The following TNS3 variants were observed in gnomAD, a reference collection of about 807,000 sequenced individuals.
The protein encoded by TNS3 is tensin 3.
Under a neutral mutation model 140.9 loss-of-function variants are expected in TNS3, and 45 were observed. That is an observed-to-expected ratio of 0.32 (90% CI 0.25 to 0.41). The LOEUF (loss-of-function observed/expected upper bound fraction) is 0.41. Among genes scored for constraint, TNS3 ranks in the 10% least tolerant of loss-of-function variants. TNS3 has a pLI of 1.00. For synonymous variants in TNS3, 815 were observed against 788.4 expected, an observed-to-expected ratio of 1.03 and a Z score of -0.56; for missense variants, 1,716 against 1,906.7, an observed-to-expected ratio of 0.90 and a Z score of 1.86.
chr7:47,526,167 C>T (rs1014058164), intron 2 of TNS3, among the ~76,000 whole-genome samples: 2 of 152,226 alleles, frequency 1.3e-5, no homozygotes, highest in African/African-American at 2.4e-5. Flanking sequence ...GAACAGAATA[C>T]TGAAGTATTA....
chr7:47,297,551 A>G (rs1387048358), intron 23 of TNS3, among the ~76,000 whole-genome samples: 1 of 152,084 alleles, frequency 6.6e-6, no homozygotes, highest in Non-Finnish European at 1.5e-5. Context: ...TTAATCCCAC[A>G]ATACCTGTGA....
In TNS3 at chr7:47,483,047, G is replaced by A. The variant is rs80347783; in HGVS notation, c.-114-1906C>T. On this transcript the variant is annotated intron_variant, in intron 3 of 30. Transcript: ENST00000311160. ...CCACAGAATGTACAACACCAGGAGA[G>A]AATCCTAATGTAAACCGAGGGCTCT... Among the ~76,000 whole-genome samples the A allele has an allele frequency of 8.5e-5, 13 of 152,228 alleles. No homozygotes were observed. The East Asian group carries it at 2.5e-3, about 29-fold the overall frequency.
chr7:47,451,506 A>G (rs1476649882), intron 4 of TNS3, among the ~76,000 whole-genome samples: 1 of 152,148 alleles, frequency 6.6e-6, no homozygotes. Flanking sequence ...GCTCAAACCC[A>G]GGAGGTGGAG....
intron 8 of TNS3, among the ~76,000 whole-genome samples, chr7:47,433,883 A>ATCTCTC (rs55743320): frequency 3.0e-4 from 45 of 149,556 alleles, no homozygotes; most frequent in African/African-American, 9.8e-4. Context: ...CCGTCTGTCT[A>ATCTCTC]TCTCTCTCTC....
intron 16 of TNS3, among the ~76,000 whole-genome samples, chr7:47,372,168 C>T (rs1235870718): frequency 1.3e-5 from 2 of 152,230 alleles, no homozygotes; most frequent in African/African-American, 2.4e-5. Context: ...CTCCTCCCCA[C>T]GATGGAAGGT....
intron 20 of TNS3, among the ~76,000 whole-genome samples, chr7:47,334,365 A>G (rs1788505160): frequency 6.6e-6 from 1 of 152,174 alleles, no homozygotes; most frequent in South Asian, 2.1e-4. Flanking sequence ...AACTAACATT[A>G]ACTGCTAATC....
intron 28 of TNS3, among the ~76,000 whole-genome samples, chr7:47,282,061 C>A (rs1350400809): frequency 1.3e-5 from 2 of 151,978 alleles, no homozygotes; most frequent in Non-Finnish European, 2.9e-5. Context: ...ATATCCCAAA[C>A]CCTAAGTCCA....
chr7:47,433,521 T>G (rs777927712), intron 8 of TNS3, among the ~76,000 whole-genome samples: 1 of 152,210 alleles, frequency 6.6e-6, no homozygotes, highest in Admixed American at 6.5e-5. Flanking sequence ...CTAGGACCCA[T>G]ATGTTTTAAA....
At chr7:47,310,930 T>C (rs1178047463) in intron 20 of TNS3, among the ~76,000 whole-genome samples, 1 of 152,232 alleles carries the variant, frequency 6.6e-6, no homozygotes, top group Non-Finnish European at 1.5e-5. Context: ...TAGTATTCCA[T>C]GGTGTATATG....
At chr7:47,443,467 A>G (rs1325367140) in intron 4 of TNS3, among the ~76,000 whole-genome samples, 2 of 152,092 alleles carry the variant, frequency 1.3e-5, no homozygotes, top group Non-Finnish European at 2.9e-5. Flanking sequence ...CCCTAACCCA[A>G]AGCCTTTCAC....
At chr7:47,468,196 A>G (rs1217850074) in intron 4 of TNS3, among the ~76,000 whole-genome samples, 2 of 152,140 alleles carry the variant, frequency 1.3e-5, no homozygotes, top group African/African-American at 2.4e-5. Context: ...TTGTAATCCC[A>G]GCACTTTAGG....
Position 47,438,109 on chromosome 7 carries a change from G to A in TNS3, c.151-796C>T, listed in dbSNP as rs187455152. ...AAGGAGCCTTAAAAATTAACTAAAC[G>A]TCCCTCTCACTTCAGAGTCAGAGAT... is the stretch of plus-strand genomic sequence containing the variant. On this transcript the variant is annotated intron_variant, in intron 6 of 30. Transcript: ENST00000311160. 2.1e-3 allele frequency among the ~76,000 whole-genome samples: 316 copies of A among 152,126 alleles called. 1 individual carries two copies. Among genetic ancestry groups the A allele is most frequent in the African/African-American group, 6.7e-3 (279 of 41,512 alleles).
chr7:47,524,757 G>A (rs1004904820), intron 2 of TNS3, among the ~76,000 whole-genome samples: 20 of 137,280 alleles, frequency 1.5e-4, no homozygotes, highest in South Asian at 2.4e-4. Context: ...AGCCGAGATC[G>A]CGCCACTGCA....
chr7:47,320,684 C>T (rs533179231), intron 20 of TNS3, among the ~76,000 whole-genome samples: 69 of 152,232 alleles, frequency 4.5e-4, no homozygotes, highest in Non-Finnish European at 8.4e-4. Context: ...AAGGGACCCA[C>T]TTTCACCAGT....
intron 4 of TNS3, among the ~76,000 whole-genome samples, chr7:47,449,307 G>T (rs1231753292): frequency 6.6e-6 from 1 of 152,198 alleles, no homozygotes; most frequent in African/African-American, 2.4e-5. Flanking sequence ...ATTGCCATGG[G>T]GTGAAAGGCA....
At chr7:47,374,024 A>T (rs1460177226) in intron 16 of TNS3, among the ~76,000 whole-genome samples, 1 of 152,210 alleles carries the variant, frequency 6.6e-6, no homozygotes, top group African/African-American at 2.4e-5. Flanking sequence ...GCCATCCGTG[A>T]GAGGCGGGAG....
At chr7:47,489,787 A>G (rs1797744136) in intron 3 of TNS3, among the ~76,000 whole-genome samples, 1 of 152,230 alleles carries the variant, frequency 6.6e-6, no homozygotes, top group African/African-American at 2.4e-5. Context: ...TGCTGTATAC[A>G]CAAGTCCCAG....
At chr7:47,470,498 C>G in intron 4 of TNS3, 1 of 985,456 alleles carries the variant, frequency 1.0e-6, no homozygotes, top group Non-Finnish European at 1.2e-6. Flanking sequence ...AGCATTCATT[C>G]ATTCGAAACA....
chr7:47,346,120 TCG>T, intron 18 of TNS3, 65 bp downstream of exon 18: 3 of 1,579,320 alleles, frequency 1.9e-6, no homozygotes, highest in South Asian at 2.3e-5. Context: ...GCCCATTCAC[TCG>T]GGGTTCCAGG....
Sources: allele counts gnomAD v4.1 joint callset (sites outside exome capture counted in the v4.1 genomes callset), GRCh38; gene constraint gnomAD v4.1.1; transcripts MANE v1.5; gene names NCBI Gene and HGNC (gene_info 2026-07-23, HGNC 2026-07-21).